The following MTA1 variants were observed in gnomAD, a reference collection of about 807,000 sequenced individuals.
The protein encoded by MTA1 is metastasis-associated protein MTA1.
Under a neutral mutation model 97.0 loss-of-function variants are expected in MTA1, and 15 were observed. The observed-to-expected ratio is 0.15, with a 90% CI of 0.10 to 0.24. The LOEUF is 0.24. Ranked by LOEUF, MTA1 falls within the 10% of genes least tolerant of loss-of-function variation. The pLI, the probability that MTA1 is intolerant of heterozygous loss-of-function variation, is 1.00. For missense variants in MTA1, 709 were observed against 1,015.1 expected (o/e 0.70, Z 4.10); for synonymous variants, 435 against 417.5 (o/e 1.04, Z -0.51).
chr14:105,435,521 G>A (rs1218067243), intron 1 of MTA1, among the ~76,000 whole-genome samples: 2 of 152,194 alleles, frequency 1.3e-5, no homozygotes, highest in African/African-American at 4.8e-5. Flanking sequence ...CTCCTGGACT[G>A]AAGCAATCCT....
At chr14:105,434,024 C>T (rs1430428799) in intron 1 of MTA1, among the ~76,000 whole-genome samples, 2 of 152,168 alleles carry the variant, frequency 1.3e-5, no homozygotes, top group African/African-American at 4.8e-5. Flanking sequence ...GACAGGCTTT[C>T]ACCATGTTGG....
intron 6 of MTA1, among the ~76,000 whole-genome samples, chr14:105,452,170 C>T (rs2082969935): frequency 6.6e-6 from 1 of 152,250 alleles, no homozygotes; most frequent in Admixed American, 6.5e-5. Context: ...AGGGTGAGTA[C>T]ACTTAGCACC....
intron 1 of MTA1, among the ~76,000 whole-genome samples, chr14:105,434,490 CTTTTTTT>C (rs140991917): frequency 2.3e-5 from 2 of 86,952 alleles, no homozygotes; most frequent in Non-Finnish European, 5.1e-5. Flanking sequence ...AGAAAGAGGA[CTTTTTTT>C]TTTTTTTTTT....
intron 1 of MTA1, among the ~76,000 whole-genome samples, chr14:105,428,488 G>A (rs973280613): frequency 6.6e-6 from 1 of 152,060 alleles, no homozygotes; most frequent in African/African-American, 2.4e-5. Context: ...GGCTGGTCTC[G>A]AACTCCTGGG....
At chr14:105,444,219 A>G (rs1438284273) in intron 2 of MTA1, among the ~76,000 whole-genome samples, 1 of 149,960 alleles carries the variant, frequency 6.7e-6, no homozygotes, top group East Asian at 2.0e-4. Context: ...TAAAAAATAC[A>G]AAAAAATTAG....
chr14:105,451,931 C>T (rs990325622), intron 6 of MTA1, among the ~76,000 whole-genome samples: 2 of 152,002 alleles, frequency 1.3e-5, no homozygotes, highest in African/African-American at 2.4e-5. Context: ...GCTGGGATTA[C>T]AGACGTGTGT....
In MTA1 at chr14:105,420,001, C is replaced by G. The variant is rs1310240395; in HGVS notation, c.-35C>G. On this transcript the variant is annotated 5_prime_UTR_variant, in exon 1 of 21. Transcript: ENST00000331320. This position sits in a 1 kb window ranked among gnomAD's most constrained non-coding sequence, Gnocchi z 5.3. The stretch of plus-strand genomic sequence containing the variant: ...CGGCCGCCCGCGCCGAGCGCCGCGC[C>G]CGCCCCGGGCCCCTCCGCCGCCGCC... 3 of 1,020,062 alleles carry G rather than the reference C, an allele frequency of 2.9e-6. No individual in the cohort carries two copies. Among genetic ancestry groups the G allele is most frequent in the Middle Eastern group, 9.7e-4 (2 of 2,072 alleles). The allele number at this position is 1,020,062 out of a possible 1,614,324, so 63.2% of individuals were successfully genotyped here.
Position 105,460,347 on chromosome 14 carries a change from C to T in MTA1, c.654-11C>T. ...GGCCGACACTGTGGTCAGCGCATCT[C>T]CTTTCCCCAGCTCTGTGGGCACCTT... is the stretch of plus-strand genomic sequence containing the variant. On this transcript the variant is annotated splice_polypyrimidine_tract_variant and intron_variant, in intron 8 of 20. Coordinates refer to ENST00000331320, the MANE Select transcript of MTA1 (RefSeq NM_004689.4). The T allele has an allele frequency of 6.9e-6, 11 of 1,603,842 alleles. No homozygotes were observed. Among genetic ancestry groups the T allele is most frequent in the Non-Finnish European group, 9.4e-6 (11 of 1,175,194 alleles).
intron 1 of MTA1, among the ~76,000 whole-genome samples, chr14:105,434,393 A>G: frequency 6.6e-6 from 1 of 152,088 alleles, no homozygotes; most frequent in South Asian, 2.1e-4. Context: ...ATCTTTTGTA[A>G]AATTTATATT....
chr14:105,421,087 C>T (rs1490324942), intron 1 of MTA1, among the ~76,000 whole-genome samples: 1 of 152,050 alleles, frequency 6.6e-6, no homozygotes, highest in Admixed American at 6.6e-5. Context: ...TGTGGTCTGG[C>T]CGGCCAGTCC....
At chr14:105,441,240 C>T (rs1418630388) in intron 2 of MTA1, among the ~76,000 whole-genome samples, 1 of 151,498 alleles carries the variant, frequency 6.6e-6, no homozygotes, top group Non-Finnish European at 1.5e-5. Context: ...TCGCCTGGCT[C>T]ATGGCCTGTC....
chr14:105,440,453 G>A (rs1268421254), intron 2 of MTA1, among the ~76,000 whole-genome samples: 6 of 152,318 alleles, frequency 3.9e-5, no homozygotes, highest in Middle Eastern at 3.4e-3. Context: ...CTCCGTGGGC[G>A]CCTGGCCGAG....
intron 7 of MTA1, among the ~76,000 whole-genome samples, chr14:105,456,329 G>C (rs1188674555): frequency 2.6e-5 from 4 of 152,254 alleles, no homozygotes; most frequent in African/African-American, 9.6e-5. Flanking sequence ...CAGTGGGCCT[G>C]TCAGGAGAAT....
intron 10 of MTA1, among the ~76,000 whole-genome samples, chr14:105,462,862 C>G (rs1432854737): frequency 2.1e-5 from 3 of 143,978 alleles, no homozygotes; most frequent in Non-Finnish European, 4.7e-5. Context: ...GAGCGAGACT[C>G]CGTCTCAAAA....
At chr14:105,446,931 T>C (rs2141550983) in intron 3 of MTA1, among the ~76,000 whole-genome samples, 1 of 152,266 alleles carries the variant, frequency 6.6e-6, no homozygotes, top group Non-Finnish European at 1.5e-5. Context: ...AGGTGGGGCA[T>C]GGTGATCCTT....
In MTA1 at chr14:105,470,168, C is replaced by T. The variant is rs2083777022; in HGVS notation, c.2101C>T (p.Pro701Ser). ...GAGCCAGGCCCTGCCGCCGCGGCCA[C>T]CGCCACCTGCGCCCGTCAACGACGA... Reference protein sequence around the residue: ...RQSQALPPRPPPPAPVNDEPI... With the variant: ...RQSQALPPRPSPPAPVNDEPI... The change falls in exon 21 of 21, where the codon CCG (proline) becomes TCG (serine). Residue 701 changes from proline to serine, a missense_variant. Coordinates refer to ENST00000331320, the MANE Select transcript of MTA1 (RefSeq NM_004689.4). 1.2e-5 allele frequency: 19 copies of T among 1,609,116 alleles called. No individual in the cohort carries two copies. The highest frequency in any genetic ancestry group is 1.6e-5 in the Non-Finnish European group (19 of 1,178,120).
intron 2 of MTA1, among the ~76,000 whole-genome samples, chr14:105,443,713 A>G (rs1354013381): frequency 6.6e-6 from 1 of 152,186 alleles, no homozygotes; most frequent in East Asian, 1.9e-4. Context: ...CTGGGAGGCC[A>G]AGGCGGGCAG....
intron 18 of MTA1, chr14:105,467,016 T>C: frequency 1.8e-6 from 1 of 550,026 alleles, no homozygotes; most frequent in East Asian, 3.2e-5. Context: ...CTGCCTGCGC[T>C]GTCTGCCATC....
intron 16 of MTA1, 150 bp from the exon 17 acceptor site, chr14:105,466,276 C>T: frequency 1.4e-6 from 1 of 696,980 alleles, no homozygotes; most frequent in Middle Eastern, 3.9e-4. Context: ...CTCCCCACTT[C>T]CAGCCCAGTC....
Sources: allele counts gnomAD v4.1 joint callset (sites outside exome capture counted in the v4.1 genomes callset), GRCh38; gene constraint gnomAD v4.1.1; non-coding constraint Gnocchi (gnomAD v3.1); transcripts MANE v1.5; gene names NCBI Gene and HGNC (gene_info 2026-07-23, HGNC 2026-07-21).